Variants in PITPNC1 observed in about 807,000 individuals in gnomAD.
PITPNC1 encodes the protein cytoplasmic phosphatidylinositol transfer protein 1.
Under a neutral mutation model 44.7 loss-of-function variants are expected in PITPNC1, and 18 were observed. The observed-to-expected ratio is 0.40, with a 90% CI of 0.28 to 0.60. The LOEUF (loss-of-function observed/expected upper bound fraction) is 0.60. Among genes scored for constraint, PITPNC1 ranks in the 20% least tolerant of loss-of-function variants. The probability of loss-of-function intolerance (pLI) is 0.39; values close to 1 mark genes in which losing one functional copy is unlikely to be tolerated. For synonymous variants in PITPNC1, 141 were observed against 149.6 expected, an observed-to-expected ratio of 0.94 and a Z score of 0.42; for missense variants, 290 against 418.4, an observed-to-expected ratio of 0.69 and a Z score of 2.68.
chr17:67,386,649 A>G (rs2143790338), intron 1 of PITPNC1, among the ~76,000 whole-genome samples: 1 of 152,324 alleles, frequency 6.6e-6, no homozygotes, highest in South Asian at 2.1e-4. Flanking sequence ...TGTTTTTCAG[A>G]AGCAGTAATT....
At chr17:67,655,591 T>A (rs902520513) in intron 6 of PITPNC1, among the ~76,000 whole-genome samples, 1 of 140,784 alleles carries the variant, frequency 7.1e-6, no homozygotes, top group African/African-American at 2.7e-5. Context: ...AAGCACTAAT[T>A]GCCTCCCAAA....
At chr17:67,532,264 G>C (rs1306228676) in intron 1 of PITPNC1, among the ~76,000 whole-genome samples, 1 of 152,158 alleles carries the variant, frequency 6.6e-6, no homozygotes, top group East Asian at 1.9e-4. Flanking sequence ...AAGCTTTCAG[G>C]TGATTCTAAT....
At chr17:67,394,465 C>G (rs2038185970) in intron 1 of PITPNC1, among the ~76,000 whole-genome samples, 1 of 152,168 alleles carries the variant, frequency 6.6e-6, no homozygotes, top group Non-Finnish European at 1.5e-5. Flanking sequence ...TAGATACTTT[C>G]TTGGATAGTG....
intron 5 of PITPNC1, among the ~76,000 whole-genome samples, chr17:67,585,080 C>T (rs185440595): frequency 7.4e-4 from 106 of 144,096 alleles, no homozygotes; most frequent in African/African-American, 2.7e-3. Flanking sequence ...CGTGCCATTG[C>T]ACTCCAGACT....
chr17:67,428,490 A>T (rs1351522361), intron 1 of PITPNC1, among the ~76,000 whole-genome samples: 2 of 151,418 alleles, frequency 1.3e-5, no homozygotes, highest in South Asian at 2.1e-4. Flanking sequence ...CAGAAATCGC[A>T]CTACTGCACT....
intron 6 of PITPNC1, among the ~76,000 whole-genome samples, chr17:67,649,972 A>G (rs2144364945): frequency 6.6e-6 from 1 of 152,108 alleles, no homozygotes. Flanking sequence ...CAGTGTGTTT[A>G]AGCGTTTATG....
At chr17:67,494,845 G>A (rs954175691) in intron 1 of PITPNC1, among the ~76,000 whole-genome samples, 6 of 151,852 alleles carry the variant, frequency 4.0e-5, no homozygotes, top group African/African-American at 1.5e-4. Context: ...GGTGCTGCAT[G>A]CCCGTGGTCC....
intron 6 of PITPNC1, among the ~76,000 whole-genome samples, chr17:67,667,849 G>A (rs868801384): frequency 2.6e-5 from 4 of 151,888 alleles, no homozygotes; most frequent in Non-Finnish European, 4.4e-5. Context: ...GCATGGTGGC[G>A]GGTGCCTGTG....
chr17:67,378,209 G>A lies in PITPNC1; in HGVS notation c.48+7G>A, dbSNP rs1195465696. On this transcript the variant is annotated splice_region_variant and intron_variant, in intron 1 of 8. Coordinates refer to ENST00000581322, the MANE Select transcript of PITPNC1 (RefSeq NM_012417.4). ...GCCGCTCACCGTAGACGAGGTAAGC[G>A]CCGCGCCCGGCCCGGCCTCGCCCGC... 4 of 1,521,834 alleles carry A rather than the reference G, an allele frequency of 2.6e-6. No individual in the cohort carries two copies. Among genetic ancestry groups the A allele is most frequent in the Non-Finnish European group, 3.5e-6 (4 of 1,137,378 alleles). The allele number at this position is 1,521,834 out of a possible 1,614,324, so 94.3% of individuals were successfully genotyped here.
At chr17:67,504,083 G>C (rs948454896) in intron 1 of PITPNC1, among the ~76,000 whole-genome samples, 6 of 152,136 alleles carry the variant, frequency 3.9e-5, no homozygotes, top group African/African-American at 1.2e-4. Context: ...ACAGAGAAAT[G>C]AGGGGTGTGG....
intron 1 of PITPNC1, chr17:67,471,374 G>A (rs2039528569): frequency 3.5e-6 from 1 of 283,880 alleles, no homozygotes. Flanking sequence ...ATGGACATTT[G>A]GGTTACTTCC....
chr17:67,545,006 A>T (rs984875518), intron 2 of PITPNC1, among the ~76,000 whole-genome samples: 1 of 152,200 alleles, frequency 6.6e-6, no homozygotes, highest in Non-Finnish European at 1.5e-5. Flanking sequence ...GACAATATTT[A>T]GTCATTAAAA....
intron 5 of PITPNC1, among the ~76,000 whole-genome samples, chr17:67,622,920 T>C (rs1336580621): frequency 6.6e-6 from 1 of 151,950 alleles, no homozygotes; most frequent in East Asian, 1.9e-4. Flanking sequence ...TAGACCCATA[T>C]GCTTAAAGTA....
At chr17:67,522,455 C>A (rs2040336895) in intron 1 of PITPNC1, among the ~76,000 whole-genome samples, 1 of 152,034 alleles carries the variant, frequency 6.6e-6, no homozygotes, top group African/African-American at 2.4e-5. Context: ...CAATACCTTT[C>A]AGGAAGCTTC....
intron 2 of PITPNC1, among the ~76,000 whole-genome samples, chr17:67,541,841 C>T (rs2040612536): frequency 6.6e-6 from 1 of 152,172 alleles, no homozygotes; most frequent in Non-Finnish European, 1.5e-5. Context: ...GGGACCAAGA[C>T]CAGTGGGTAG....
chr17:67,663,802 T>C (rs1410590940), intron 6 of PITPNC1, among the ~76,000 whole-genome samples: 1 of 152,182 alleles, frequency 6.6e-6, no homozygotes, highest in Non-Finnish European at 1.5e-5. Context: ...AAAGGGGCAG[T>C]AACTTCACAG....
At chr17:67,681,894 T>G (rs112915950) in intron 8 of PITPNC1, among the ~76,000 whole-genome samples, 2 of 152,056 alleles carry the variant, frequency 1.3e-5, no homozygotes, top group Non-Finnish European at 2.9e-5. Context: ...ACTTCCAGAA[T>G]TTTATTCTGG....
intron 1 of PITPNC1, among the ~76,000 whole-genome samples, chr17:67,458,001 G>A (rs527745191): frequency 6.6e-6 from 1 of 152,230 alleles, no homozygotes; most frequent in South Asian, 2.1e-4. Flanking sequence ...GAATATGACA[G>A]GGGTACCAGT....
At chr17:67,432,107 A>G (rs2143897648) in intron 1 of PITPNC1, among the ~76,000 whole-genome samples, 1 of 152,362 alleles carries the variant, frequency 6.6e-6, no homozygotes, top group Non-Finnish European at 1.5e-5. Flanking sequence ...TAACATATTT[A>G]TAAGCGTGCT....
Sources: allele counts gnomAD v4.1 joint callset (sites outside exome capture counted in the v4.1 genomes callset), GRCh38; gene constraint gnomAD v4.1.1; transcripts MANE v1.5; gene names NCBI Gene and HGNC (gene_info 2026-07-23, HGNC 2026-07-21).